SNX4: variants seen among roughly 807,000 people sequenced by gnomAD.
SNX4 encodes sorting nexin 4.
In SNX4, 49 loss-of-function variants were observed where a neutral mutation model predicts 70.8. The observed-to-expected ratio is 0.69, with a 90% confidence interval of 0.55 to 0.88. SNX4 has a LOEUF of 0.88. Ranked by LOEUF, SNX4 falls within the 40% of genes least tolerant of loss-of-function variation. The probability of loss-of-function intolerance (pLI) is 0.00; values close to 1 mark genes in which losing one functional copy is unlikely to be tolerated. For missense variants in SNX4, 528 were observed against 544.8 expected (o/e 0.97, Z 0.31); for synonymous variants, 206 against 183.8 (o/e 1.12, Z -0.98).
At chr3:125,506,817 T>TAAAAAAAAAA (rs71148182) in intron 1 of SNX4, among the ~76,000 whole-genome samples, 6 of 26,820 alleles carry the variant, frequency 2.2e-4, no homozygotes, top group African/African-American at 3.9e-4. Flanking sequence ...GTGGAGAAAG[T>TAAAAAAAAAA]AAAAAAAAAA....
chr3:125,470,381 A>G (rs1934133973), intron 8 of SNX4, among the ~76,000 whole-genome samples: 1 of 152,024 alleles, frequency 6.6e-6, no homozygotes, highest in African/African-American at 2.4e-5. Flanking sequence ...TTTTTCTGCT[A>G]TTTAAAGAAT....
chr3:125,469,556 T>C (rs1378492675), intron 8 of SNX4, 37 bp from the exon 9 acceptor site: 1 of 1,372,116 alleles, frequency 7.3e-7, no homozygotes, highest in South Asian at 1.2e-5. Flanking sequence ...GCAACATGCA[T>C]TAGAGATATG....
intron 11 of SNX4, among the ~76,000 whole-genome samples, chr3:125,454,583 A>G (rs1933662230): frequency 6.6e-6 from 1 of 152,216 alleles, no homozygotes; most frequent in African/African-American, 2.4e-5. Flanking sequence ...TGCAAATACT[A>G]CACCATTTTA....
At chr3:125,449,976 G>A (rs1397789287) in intron 13 of SNX4, among the ~76,000 whole-genome samples, 1 of 152,192 alleles carries the variant, frequency 6.6e-6, no homozygotes, top group African/African-American at 2.4e-5. Flanking sequence ...TGGGTGTGGT[G>A]GCTCATGCCT....
intron 1 of SNX4, among the ~76,000 whole-genome samples, chr3:125,515,281 G>A (rs1323837314): frequency 2.0e-5 from 3 of 151,986 alleles, no homozygotes; most frequent in Non-Finnish European, 4.4e-5. Context: ...GAACCCGGGA[G>A]ATGAAGGCTG....
At chr3:125,502,714 C>T (rs1462054491) in intron 2 of SNX4, among the ~76,000 whole-genome samples, 1 of 151,636 alleles carries the variant, frequency 6.6e-6, no homozygotes, top group Non-Finnish European at 1.5e-5. Flanking sequence ...ACTAAAACTA[C>T]ATGGTGACGG....
chr3:125,476,859 GA>G (rs1217868685), intron 7 of SNX4, 103 bp from the exon 8 acceptor site: 14 of 633,128 alleles, frequency 2.2e-5, no homozygotes, highest in Non-Finnish European at 3.6e-5. Flanking sequence ...AATAAACTTG[GA>G]AATAGAAAAA....
At chr3:125,480,341 A>T in intron 6 of SNX4, 22 bp from the exon 7 acceptor site, 1 of 1,454,308 alleles carries the variant, frequency 6.9e-7, no homozygotes, top group Non-Finnish European at 9.2e-7. Flanking sequence ...AACAAATAAA[A>T]CATCGTTTTT....
At chr3:125,511,235 A>T (rs1466099774) in intron 1 of SNX4, among the ~76,000 whole-genome samples, 1 of 152,248 alleles carries the variant, frequency 6.6e-6, no homozygotes, top group Admixed American at 6.5e-5. Flanking sequence ...TTTAAACTGA[A>T]GAATAAACAC....
In SNX4 at chr3:125,520,200, T is replaced by TTCG; in HGVS notation, c.-29_-28insCGA. On this transcript the variant is annotated 5_prime_UTR_variant, in exon 1 of 14. Transcript: ENST00000251775. ...CTGCAGTTCGGCGCGGCGAACCCAGTGCGCCTGCGCCGCCGCCGCGCCCGC... is the reference window on the plus strand; with the variant it reads ...CTGCAGTTCGGCGCGGCGAACCCAGTTCGGCGCCTGCGCCGCCGCCGCGCCCGC... 1 of 1,044,662 alleles carries TTCG rather than the reference T, an allele frequency of 9.6e-7. No homozygotes were observed. Among genetic ancestry groups the TTCG allele is most frequent in the African/African-American group, 1.8e-5 (1 of 56,344 alleles). 64.7% of individuals were successfully genotyped at this position (1,044,662 alleles called of 1,614,324 possible). A position where few individuals can be genotyped will look rare whatever the true frequency, so the allele number is the denominator to read the frequency against.
Position 125,446,658 on chromosome 3 carries a change from A to G in SNX4, c.*1121T>C, listed in dbSNP as rs1933430310. 1 of 152,620 alleles carries G rather than the reference A, an allele frequency of 6.6e-6. No individual in the cohort carries two copies. Among genetic ancestry groups the G allele is most frequent in the African/African-American group, 2.4e-5 (1 of 41,460 alleles). 9.5% of individuals were successfully genotyped at this position (152,620 alleles called of 1,614,324 possible). On this transcript the variant is annotated 3_prime_UTR_variant, in exon 14 of 14. Coordinates refer to ENST00000251775, the MANE Select transcript of SNX4 (RefSeq NM_003794.4). ...CAAAAATCATCTGAAAATCAGCACAATATTTCATTTATTTATTGTATAAGT... is the reference window on the plus strand; with the variant it reads ...CAAAAATCATCTGAAAATCAGCACAGTATTTCATTTATTTATTGTATAAGT...
intron 1 of SNX4, among the ~76,000 whole-genome samples, chr3:125,513,009 T>C (rs1260909670): frequency 6.6e-6 from 1 of 152,222 alleles, no homozygotes; most frequent in Non-Finnish European, 1.5e-5. Flanking sequence ...CTGTCTGTGC[T>C]TCAGTTTCCT....
intron 9 of SNX4, among the ~76,000 whole-genome samples, chr3:125,466,888 G>C (rs1934036999): frequency 6.6e-6 from 1 of 152,036 alleles, no homozygotes; most frequent in African/African-American, 2.4e-5. Flanking sequence ...TTTGAGACCA[G>C]CCTGGCCAAT....
At chr3:125,452,579 C>T (rs573288072) in intron 12 of SNX4, among the ~76,000 whole-genome samples, 1 of 151,980 alleles carries the variant, frequency 6.6e-6, no homozygotes, top group Non-Finnish European at 1.5e-5. Context: ...GAGACTCCGT[C>T]TCAAAAAAAT....
chr3:125,507,072 G>T lies in SNX4; in HGVS notation c.142-2328C>A, dbSNP rs141093817. 1.4e-4 allele frequency among the ~76,000 whole-genome samples: 21 copies of T among 150,706 alleles called. No homozygotes were observed. The East Asian group carries it at 4.1e-3, about 29-fold the overall frequency. On this transcript the variant is annotated intron_variant, in intron 1 of 13. Transcript: ENST00000251775. The stretch of plus-strand genomic sequence containing the variant: ...CAAAAACTAGCTGGGTGTGGTGGCG[G>T]GCGCTTGTAATCCCAATCTCAGCTA...
intron 2 of SNX4, among the ~76,000 whole-genome samples, chr3:125,500,123 T>C (rs1580004106): frequency 6.6e-6 from 1 of 151,722 alleles, no homozygotes; most frequent in East Asian, 1.9e-4. Flanking sequence ...AGTTTCATTA[T>C]AAACTGACTA....
intron 12 of SNX4, among the ~76,000 whole-genome samples, chr3:125,452,892 C>T (rs1579970300): frequency 1.3e-5 from 2 of 152,092 alleles, no homozygotes; most frequent in East Asian, 1.9e-4. Context: ...GCTGGGATTA[C>T]AGGCATGAGC....
At chr3:125,478,125 G>A (rs1445192081) in intron 7 of SNX4, among the ~76,000 whole-genome samples, 2 of 151,394 alleles carry the variant, frequency 1.3e-5, no homozygotes, top group Non-Finnish European at 2.9e-5. Flanking sequence ...TGTCTCCCAG[G>A]CTAAAGTACA....
At chr3:125,510,266 A>G (rs1297794165) in intron 1 of SNX4, among the ~76,000 whole-genome samples, 1 of 149,366 alleles carries the variant, frequency 6.7e-6, no homozygotes, top group Non-Finnish European at 1.5e-5. Context: ...GGAGTCTTGC[A>G]GTGTCGCCCA....
Sources: gnomAD v4.1 joint callset for allele counts (sites outside exome capture counted in the v4.1 genomes callset) on GRCh38, gnomAD v4.1.1 for gene constraint, MANE v1.5 for transcripts, NCBI Gene and HGNC (gene_info 2026-07-23, HGNC 2026-07-21) for gene names.